WNK1: variants seen among roughly 807,000 people sequenced by gnomAD.
The protein encoded by WNK1 is serine/threonine-protein kinase WNK1.
In WNK1, 38 loss-of-function variants were observed where a neutral mutation model predicts 222.8. The ratio of observed to expected loss-of-function variants is 0.17; its 90% confidence interval spans 0.13 to 0.22. WNK1 has a LOEUF of 0.22. Among genes scored for constraint, WNK1 ranks in the 10% least tolerant of loss-of-function variants. The pLI is 1.00. For synonymous variants in WNK1, 1,090 were observed against 1,092.9 expected, an observed-to-expected ratio of 1.00 and a Z score of 0.05; for missense variants, 2,348 against 2,918.4, an observed-to-expected ratio of 0.80 and a Z score of 4.50.
Position 861,128 on chromosome 12 carries a change from A to G in WNK1, c.1736A>G (p.Gln579Arg). ...REQRQLVREE[Q>R]EKKKQEESSL... The stretch of plus-strand genomic sequence containing the variant: ...CAGCGGCAGTTGGTACGGGAGGAGC[A>G]AGAAAAAAAAAAGCAGGAAGAGAGC... The change falls in exon 7 of 28, where the codon CAA (glutamine) becomes CGA (arginine). Residue 579 changes from glutamine to arginine, a missense_variant. By Grantham distance (43) the Gln-to-Arg change is conservative. This residue lies in a region of WNK1 where 103 missense variants were observed against 111.5 expected (regional missense o/e 0.92). Transcript: ENST00000315939. 1 of 1,614,070 alleles carries G rather than the reference A, an allele frequency of 6.2e-7. No homozygotes were observed. Among genetic ancestry groups the G allele is most frequent in the Non-Finnish European group, 8.5e-7 (1 of 1,179,980 alleles).
chr12:822,332 T>G (rs1215973202), intron 2 of WNK1, among the ~76,000 whole-genome samples: 1 of 152,046 alleles, frequency 6.6e-6, no homozygotes, highest in Admixed American at 6.6e-5. Context: ...GACCTTGTGG[T>G]CCTGCCCACC....
chr12:907,320 CAAA>C (rs58787108), intron 26 of WNK1, among the ~76,000 whole-genome samples: 18 of 121,364 alleles, frequency 1.5e-4, no homozygotes, highest in African/African-American at 4.1e-4. Context: ...GACTCCATCT[CAAA>C]AAAAAAAAAA....
At chr12:875,142 T>C (rs1952493639) in intron 9 of WNK1, among the ~76,000 whole-genome samples, 1 of 152,202 alleles carries the variant, frequency 6.6e-6, no homozygotes, top group Admixed American at 6.5e-5. Flanking sequence ...TGTGAAGGTA[T>C]AAGTTCAGGA....
chr12:906,382 A>T, intron 26 of WNK1: 1 of 985,258 alleles, frequency 1.0e-6, no homozygotes. Context: ...AAACCGCAGA[A>T]ATAGAGTTCC....
At chr12:888,937 G>A (rs1430270099) in intron 20 of WNK1, among the ~76,000 whole-genome samples, 1 of 152,212 alleles carries the variant, frequency 6.6e-6, no homozygotes, top group African/African-American at 2.4e-5. Flanking sequence ...TGAGCCTTGA[G>A]AGTCTGACAT....
chr12:798,413 C>T (rs1221623747), intron 1 of WNK1, among the ~76,000 whole-genome samples: 1 of 152,122 alleles, frequency 6.6e-6, no homozygotes, highest in African/African-American at 2.4e-5. Context: ...AGGATGGTCT[C>T]GATCTCCTGA....
At chr12:787,032 A>G (rs1041121906) in intron 1 of WNK1, among the ~76,000 whole-genome samples, 3 of 151,624 alleles carry the variant, frequency 2.0e-5, no homozygotes, top group South Asian at 2.1e-4. Flanking sequence ...TTTTCTTTGC[A>G]TTTTACACCT....
chr12:846,713 A>C (rs72648637), intron 4 of WNK1, among the ~76,000 whole-genome samples: 422 of 152,344 alleles, frequency 2.8e-3, no homozygotes, highest in African/African-American at 9.6e-3. Context: ...TTTGGATTGC[A>C]AGGTTTGAAC....
intron 9 of WNK1, among the ~76,000 whole-genome samples, chr12:871,851 C>G (rs893488701): frequency 6.6e-6 from 1 of 152,166 alleles, no homozygotes; most frequent in Non-Finnish European, 1.5e-5. Flanking sequence ...AATCCACCCT[C>G]CTCGGCTTCC....
Position 885,032 on chromosome 12 carries a change from T to C in WNK1, c.4228T>C (p.Ser1410Pro). ...IPPVSESPVL[S>P]SVVSSITIPA... ...ACCTGTGTCTGAATCACCAGTACTT[T>C]CCAGCGTAGTTTCAAGTATCACAAT... The change falls in exon 19 of 28, where the codon TCC becomes CCC. Residue 1410 changes from serine to proline, a missense_variant. By Grantham distance (74) the Ser-to-Pro change is moderately conservative. Transcript: ENST00000315939. The C allele has an allele frequency of 6.2e-7, 1 of 1,614,206 alleles. No homozygotes were observed. Among genetic ancestry groups the C allele is most frequent in the Non-Finnish European group, 8.5e-7 (1 of 1,180,038 alleles).
chr12:892,086 T>G (rs1267684296), intron 22 of WNK1, among the ~76,000 whole-genome samples: 1 of 151,438 alleles, frequency 6.6e-6, no homozygotes, highest in Non-Finnish European at 1.5e-5. Flanking sequence ...AATTTTATTA[T>G]TATTATACTT....
chr12:754,544 C>T (rs1939682933), intron 1 of WNK1, among the ~76,000 whole-genome samples: 1 of 152,194 alleles, frequency 6.6e-6, no homozygotes, highest in Non-Finnish European at 1.5e-5. Context: ...GATTTGCTAC[C>T]GGGCAGCGGT....
chr12:806,621 G>A (rs554499763), intron 1 of WNK1, among the ~76,000 whole-genome samples: 9 of 152,300 alleles, frequency 5.9e-5, no homozygotes, highest in Admixed American at 2.0e-4. Flanking sequence ...TTGATATGAC[G>A]TAGTTGTGGC....
chr12:861,267 A>G lies in WNK1; in HGVS notation c.1875A>G (p.Thr625=). Residue 625 remains threonine (T), a synonymous_variant, in exon 7 of 28, where the codon ACA becomes ACG. Transcript: ENST00000315939. ...TASTTSASVS[T]QVEPEEPEAD... is the part of the protein sequence containing the mutation. The stretch of plus-strand genomic sequence containing the variant: ...CTACCACTTCAGCTTCAGTTTCTAC[A>G]CAAGTAGAACCTGAAGAACCTGAGG... The G allele has an allele frequency of 2.5e-6, 4 of 1,614,150 alleles. No individual in the cohort carries two copies. The highest frequency in any genetic ancestry group is 2.2e-5 in the East Asian group (1 of 44,884).
chr12:862,649 C>T (rs913871138), intron 8 of WNK1, among the ~76,000 whole-genome samples: 2 of 152,134 alleles, frequency 1.3e-5, no homozygotes, highest in African/African-American at 4.8e-5. Context: ...TGTAAGATTC[C>T]CTATTGTACA....
chr12:757,348 A>T (rs1259652058), intron 1 of WNK1, among the ~76,000 whole-genome samples: 1 of 20,622 alleles, frequency 4.8e-5, no homozygotes, highest in Admixed American at 5.1e-4. Context: ...AAAAAAAGAG[A>T]CGGAGTCTTG....
In WNK1 at chr12:783,554, C is replaced by G. The variant is rs541869662; in HGVS notation, c.759+29230C>G. 3.8e-3 allele frequency among the ~76,000 whole-genome samples: 377 copies of G among 99,312 alleles called. 4 individuals are homozygous for G. Among genetic ancestry groups the G allele is most frequent in the Non-Finnish European group, 5.6e-3 (266 of 47,690 alleles). 65.2% of individuals were successfully genotyped at this position (99,312 alleles called of 152,430 possible). A position where few individuals can be genotyped will look rare whatever the true frequency, so the allele number is the denominator to read the frequency against. On this transcript the variant is annotated intron_variant, in intron 1 of 27. Transcript: ENST00000315939. ...CATGTGCCTGTAGTCCCAGCTACCT[C>G]GGAGGCTGAGGTGGGAGGATTGCTT...
intron 1 of WNK1, among the ~76,000 whole-genome samples, chr12:798,214 C>T (rs1394646624): frequency 7.4e-5 from 11 of 149,212 alleles, no homozygotes; most frequent in African/African-American, 2.5e-4. Flanking sequence ...GTTTTTGAGA[C>T]GGAGTCTGGC....
intron 21 of WNK1, among the ~76,000 whole-genome samples, chr12:889,847 CTG>C (rs953636913): frequency 2.0e-5 from 3 of 151,874 alleles, no homozygotes; most frequent in Admixed American, 6.6e-5. Context: ...TTGATTGAAA[CTG>C]TTTTTCTGTG....
Sources: allele counts gnomAD v4.1 joint callset (sites outside exome capture counted in the v4.1 genomes callset), GRCh38; gene constraint gnomAD v4.1.1; regional missense constraint gnomAD v4.1.1; transcripts MANE v1.5; gene names NCBI Gene and HGNC (gene_info 2026-07-23, HGNC 2026-07-21).